The following RNF130 variants were observed in gnomAD, a reference collection of about 807,000 sequenced individuals.
The protein encoded by RNF130 is ring finger protein 130.
A neutral mutation model predicts 44.6 loss-of-function variants in RNF130; 21 were observed. The ratio of observed to expected loss-of-function variants is 0.47; its 90% CI spans 0.33 to 0.68. RNF130 has a LOEUF of 0.68. RNF130 is among the 30% of genes least tolerant of loss of function. RNF130 has a pLI of 0.02. For synonymous variants in RNF130, 214 were observed against 210.4 expected, an observed-to-expected ratio of 1.02 and a Z score of -0.15; for missense variants, 479 against 560.6, an observed-to-expected ratio of 0.85 and a Z score of 1.47.
At chr5:180,055,265 AAAAAAAAAAAAAAAAC>A (rs1561709610) in intron 1 of RNF130, among the ~76,000 whole-genome samples, 2 of 28,076 alleles carry the variant, frequency 7.1e-5, no homozygotes, top group Admixed American at 5.0e-4. Flanking sequence ...AAAAAAAAAA[AAAAAAAAAAAAAAAAC>A]AAAAAAAAAC....
At chr5:179,926,342 A>C (rs966626209) in intron 7 of RNF130, among the ~76,000 whole-genome samples, 6 of 152,130 alleles carry the variant, frequency 3.9e-5, no homozygotes, top group Non-Finnish European at 7.3e-5. Flanking sequence ...ATCCTTTGCA[A>C]TATCCTTCAT....
intron 2 of RNF130, among the ~76,000 whole-genome samples, chr5:180,017,024 T>C (rs956650145): frequency 6.6e-6 from 1 of 152,202 alleles, no homozygotes; most frequent in African/African-American, 2.4e-5. Context: ...GTTTAACTTG[T>C]TTAGTTTTGT....
intron 3 of RNF130, among the ~76,000 whole-genome samples, chr5:179,985,678 T>C (rs1385455070): frequency 2.0e-5 from 3 of 152,170 alleles, no homozygotes; most frequent in African/African-American, 7.2e-5. Flanking sequence ...AACCGGCAGA[T>C]GGTATTTATA....
At chr5:179,974,954 C>A (rs1190786611) in intron 5 of RNF130, among the ~76,000 whole-genome samples, 4 of 152,230 alleles carry the variant, frequency 2.6e-5, no homozygotes, top group Admixed American at 1.3e-4. Flanking sequence ...AATGGTGAAG[C>A]GGTCCTCTGA....
At chr5:180,044,309 A>T (rs1293803756) in intron 1 of RNF130, among the ~76,000 whole-genome samples, 1 of 152,198 alleles carries the variant, frequency 6.6e-6, no homozygotes, top group African/African-American at 2.4e-5. Context: ...TAAAAATTTC[A>T]AGATAGATAA....
At position 179,963,544 on chromosome 5, in the gene RNF130, T is replaced by G; in HGVS notation, c.1171A>C (p.Ser391Arg). ...GTGAGGGCACTGAGGAGGCCAAAAC[T>G]GGCAATAATAAACCATTCTTCTGTT... ...AVTKEWFIIA[S>R]FGLLSALTLC... The change falls in exon 8 of 9, where the codon AGT becomes CGT. Residue 391 changes from serine (S) to arginine (R), a missense_variant. By Grantham distance (110) the Ser-to-Arg change is moderately radical. Around this residue, in one of 3 missense-constraint regions of RNF130, gnomAD observed 161 missense variants for 158.6 expected, o/e 1.02. Coordinates refer to ENST00000521389, the MANE Select transcript of RNF130 (RefSeq NM_018434.6). 1 of 1,613,560 alleles carries G rather than the reference T, an allele frequency of 6.2e-7. No homozygotes were observed. Among genetic ancestry groups the G allele is most frequent in the Non-Finnish European group, 8.5e-7 (1 of 1,179,514 alleles).
chr5:180,012,396 T>C (rs1429931567), intron 3 of RNF130, among the ~76,000 whole-genome samples: 2 of 152,174 alleles, frequency 1.3e-5, no homozygotes, highest in Non-Finnish European at 2.9e-5. Context: ...CTAGGGTGTG[T>C]ATTCTGTCCA....
At chr5:179,994,731 G>A (rs1425739165) in intron 3 of RNF130, among the ~76,000 whole-genome samples, 1 of 152,202 alleles carries the variant, frequency 6.6e-6, no homozygotes, top group Non-Finnish European at 1.5e-5. Context: ...GAAGTCATGA[G>A]AAGCTTTTCT....
At chr5:180,070,950 G>A (rs1334824417) in intron 1 of RNF130, among the ~76,000 whole-genome samples, 1 of 150,968 alleles carries the variant, frequency 6.6e-6, no homozygotes, top group African/African-American at 2.4e-5. Context: ...AGAGCCAAAA[G>A]CAACAGGGAA....
intron 1 of RNF130, among the ~76,000 whole-genome samples, chr5:180,046,905 T>C (rs1044605877): frequency 6.6e-6 from 1 of 152,194 alleles, no homozygotes; most frequent in South Asian, 2.1e-4. Flanking sequence ...CCTGCGAATA[T>C]GTCTGGCACA....
At chr5:179,944,756 C>CAA (rs111393394) in intron 7 of RNF130, among the ~76,000 whole-genome samples, 1 of 140,672 alleles carries the variant, frequency 7.1e-6, no homozygotes. Context: ...GACCCTGTCT[C>CAA]AAAAAAAAAA....
At chr5:179,968,667 TAAAA>T (rs35941932) in intron 6 of RNF130, among the ~76,000 whole-genome samples, 3 of 68,096 alleles carry the variant, frequency 4.4e-5, no homozygotes, top group Non-Finnish European at 6.8e-5. Context: ...CTCTGTCTCA[TAAAA>T]AAAAAAAAAA....
At chr5:179,974,030 C>A (rs991178983) in intron 5 of RNF130, among the ~76,000 whole-genome samples, 2 of 152,234 alleles carry the variant, frequency 1.3e-5, no homozygotes, top group South Asian at 4.1e-4. Context: ...AAGAGTGCTG[C>A]GGGAGGGGAG....
intron 2 of RNF130, among the ~76,000 whole-genome samples, chr5:180,024,095 G>C (rs1208416942): frequency 1.3e-5 from 2 of 152,150 alleles, no homozygotes; most frequent in Non-Finnish European, 2.9e-5. Flanking sequence ...CCAGTTGAAG[G>C]ACATTCTACA....
chr5:179,919,472 GCCATCC>G (rs1289349350), exon 8 of RNF130: 1 of 152,446 alleles, frequency 6.6e-6, no homozygotes, highest in Non-Finnish European at 1.5e-5. Context: ...ACAACTGCTG[GCCATCC>G]CCCTGAAATC....
intron 3 of RNF130, among the ~76,000 whole-genome samples, chr5:179,980,791 G>A (rs1366137883): frequency 6.6e-6 from 1 of 152,150 alleles, no homozygotes; most frequent in Non-Finnish European, 1.5e-5. Context: ...TATCTGTAAG[G>A]GTGAGGGCAG....
At chr5:179,986,012 AAACT>A (rs1207997550) in intron 3 of RNF130, among the ~76,000 whole-genome samples, 3 of 152,182 alleles carry the variant, frequency 2.0e-5, no homozygotes, top group Non-Finnish European at 4.4e-5. Context: ...TAAACTTTTC[AAACT>A]AACGTTTGCT....
At chr5:179,983,896 T>C (rs943729005) in intron 3 of RNF130, among the ~76,000 whole-genome samples, 2 of 152,230 alleles carry the variant, frequency 1.3e-5, no homozygotes, top group African/African-American at 2.4e-5. Context: ...TTGTTGATGC[T>C]ATGGAAAATG....
At chr5:179,944,609 C>A (rs1308976125) in intron 7 of RNF130, among the ~76,000 whole-genome samples, 1 of 152,002 alleles carries the variant, frequency 6.6e-6, no homozygotes, top group Non-Finnish European at 1.5e-5. Context: ...CCATGCCTGG[C>A]TAAATTTTTT....
Sources: allele counts gnomAD v4.1 joint callset (sites outside exome capture counted in the v4.1 genomes callset), GRCh38; gene constraint gnomAD v4.1.1; regional missense constraint gnomAD v4.1.1; transcripts MANE v1.5; gene names NCBI Gene and HGNC (gene_info 2026-07-23, HGNC 2026-07-21).